TARBP1: variants seen among roughly 807,000 people sequenced by gnomAD.
The protein encoded by TARBP1 is tRNA guanosine 2 -O-methyltransferase TARBP1.
A neutral mutation model predicts 178.6 loss-of-function variants in TARBP1; 144 were observed. That is an observed-to-expected ratio of 0.81 (90% CI 0.70 to 0.93). TARBP1 has a LOEUF of 0.93. Among genes scored for constraint, TARBP1 ranks in the 40% least tolerant of loss-of-function variants. The pLI is 0.00. For synonymous variants in TARBP1, 787 were observed against 781.0 expected (o/e 1.01, Z -0.13); for missense variants, 2,067 against 2,011.7 (o/e 1.03, Z -0.53).
intron 24 of TARBP1, among the ~76,000 whole-genome samples, chr1:234,402,104 A>G (rs1660729796): frequency 6.6e-6 from 1 of 152,210 alleles, no homozygotes; most frequent in African/African-American, 2.4e-5. Flanking sequence ...GTCTTAAAAA[A>G]CAAAACAAAA....
chr1:234,394,971 C>A (rs191943097), intron 26 of TARBP1, among the ~76,000 whole-genome samples: 34 of 151,790 alleles, frequency 2.2e-4, no homozygotes, highest in African/African-American at 7.5e-4. Flanking sequence ...CGCCTATAAT[C>A]CCAGCACTTT....
chr1:234,420,809 C>G lies in TARBP1; in HGVS notation c.3448G>C (p.Glu1150Gln), dbSNP rs1190712138. Residue 1150 changes from glutamate to glutamine, a missense_variant, in exon 21 of 30, where the codon GAA becomes CAA. Glu to Gln is a conservative substitution (Grantham distance 29). Transcript: ENST00000040877. ...DLAIKLLDKD[E>Q]LVSKSKKRYY... is the part of the protein sequence containing the mutation. The stretch of plus-strand genomic sequence containing the variant: ...CGTTTTTTGGACTTGGACACTAATT[C>G]ATCCTGGAAAGGAGAAGGGAGGGAG... The G allele has an allele frequency of 2.5e-6, 4 of 1,582,342 alleles. No homozygotes were observed. The highest frequency in any genetic ancestry group is 3.5e-6 in the Non-Finnish European group (4 of 1,156,228).
chr1:234,396,125 A>G (rs560543466), intron 26 of TARBP1, among the ~76,000 whole-genome samples: 3 of 152,340 alleles, frequency 2.0e-5, no homozygotes, highest in Admixed American at 1.3e-4. Flanking sequence ...TCAGCATGGA[A>G]AGTCTATTAC....
intron 20 of TARBP1, among the ~76,000 whole-genome samples, chr1:234,424,696 C>G (rs1379257841): frequency 2.0e-5 from 3 of 151,996 alleles, no homozygotes; most frequent in African/African-American, 7.3e-5. Flanking sequence ...GAGGCCAAGG[C>G]AAGAGGATCA....
rs555816039 is a variant in TARBP1, at chr1:234,413,313, T to C, written c.3706-2782A>G. On this transcript the variant is annotated intron_variant, in intron 22 of 29. Coordinates refer to ENST00000040877, the MANE Select transcript of TARBP1 (RefSeq NM_005646.4). ...GGTGAAACCCCATCTGTACTAAAAA[T>C]ACAAAAATTATTTAGCTGGGTGTGG... 2.0e-5 allele frequency among the ~76,000 whole-genome samples: 3 copies of C among 152,112 alleles called. No individual in the cohort carries two copies. The East Asian group carries it at 5.8e-4, about 29-fold the overall frequency.
chr1:234,442,332 C>T (rs1281845414), intron 12 of TARBP1, among the ~76,000 whole-genome samples: 2 of 152,114 alleles, frequency 1.3e-5, no homozygotes, highest in Non-Finnish European at 2.9e-5. Context: ...TATGTGCAAA[C>T]CACATATCTG....
At chr1:234,472,894 G>C in intron 1 of TARBP1, 83 bp from the exon 2 acceptor site, 1 of 986,676 alleles carries the variant, frequency 1.0e-6, no homozygotes, top group Middle Eastern at 2.2e-4. Flanking sequence ...TTAAAATAAT[G>C]CCACTATTAC....
At position 234,392,490 on chromosome 1, in the gene TARBP1, A is replaced by G; in HGVS notation, c.4623T>C (p.Ile1541=). Residue 1541 remains isoleucine, a synonymous_variant, in exon 29 of 30, where the codon ATT becomes ATC. Coordinates refer to ENST00000040877, the MANE Select transcript of TARBP1 (RefSeq NM_005646.4). ...AACTTTTGGCAGTTTGTTCCACTCC[A>G]ATGATGGTATAACCTTCTGTTTTCT... ...QQKKTEGYTI[I]GVEQTAKSLD... The G allele has an allele frequency of 6.2e-7, 1 of 1,614,162 alleles. No homozygotes were observed. Among genetic ancestry groups the G allele is most frequent in the Non-Finnish European group, 8.5e-7 (1 of 1,179,994 alleles).
chr1:234,428,173 G>T (rs544988245), intron 17 of TARBP1, among the ~76,000 whole-genome samples: 97 of 152,304 alleles, frequency 6.4e-4, no homozygotes, highest in African/African-American at 2.2e-3. Flanking sequence ...GCAGCACAGG[G>T]CTGCAGAGAA....
Position 234,478,804 on chromosome 1 carries a change from C to T in TARBP1, c.300G>A (p.Ala100=), listed in dbSNP as rs1411830022. The T allele has an allele frequency of 3.5e-6, 4 of 1,143,588 alleles. No homozygotes were observed. The highest frequency in any genetic ancestry group is 4.3e-6 in the Non-Finnish European group (4 of 934,060). 70.8% of individuals were successfully genotyped at this position (1,143,588 alleles called of 1,614,324 possible). A position where few individuals can be genotyped will look rare whatever the true frequency, so the allele number is the denominator to read the frequency against. Residue 100 remains alanine (A), a synonymous_variant, in exon 1 of 30, where the codon GCG becomes GCA. Coordinates refer to ENST00000040877, the MANE Select transcript of TARBP1 (RefSeq NM_005646.4). ...GGACGCACGAGCGCAGGGCCGCGCC[C>T]GCCGCCCTCAGCACGCGCCGGCGGT... ...PRHRRRVLRA[A]GAALRSCVRL...
intron 1 of TARBP1, among the ~76,000 whole-genome samples, chr1:234,473,070 TC>T (rs1227036626): frequency 6.6e-6 from 1 of 152,056 alleles, no homozygotes; most frequent in Non-Finnish European, 1.5e-5. Flanking sequence ...CCTAAGAATC[TC>T]ACTATAACAG....
chr1:234,409,406 C>T (rs1442060896), intron 23 of TARBP1, among the ~76,000 whole-genome samples: 1 of 152,198 alleles, frequency 6.6e-6, no homozygotes, highest in Non-Finnish European at 1.5e-5. Flanking sequence ...ACAATGTCTG[C>T]TCTGTTTTAG....
chr1:234,420,779 A>G lies in TARBP1; in HGVS notation c.3478T>C (p.Tyr1160His), dbSNP rs1296914600. The G allele has an allele frequency of 5.0e-6, 8 of 1,611,296 alleles. No individual in the cohort carries two copies. The highest frequency in any genetic ancestry group is 5.9e-6 in the Non-Finnish European group (7 of 1,178,674). ...ELVSKSKKRY[Y>H]VNSLQHRVKN... ...ACTCTGTGCTGTAGAGAATTCACAT[A>G]GTAGCGTTTTTTGGACTTGGACACT... The change falls in exon 21 of 30, where the codon TAT becomes CAT. Residue 1160 changes from tyrosine to histidine, a missense_variant. Tyr to His is a moderately conservative substitution (Grantham distance 83, BLOSUM62 2). Transcript: ENST00000040877.
chr1:234,422,334 T>TA (rs1392836711), intron 20 of TARBP1, among the ~76,000 whole-genome samples: 4 of 152,046 alleles, frequency 2.6e-5, no homozygotes, highest in Admixed American at 6.6e-5. Context: ...CTGAAGAAAA[T>TA]AAAAATCACC....
At chr1:234,410,268 G>A (rs72763876) in intron 23 of TARBP1, 177 bp downstream of exon 23, 27,095 of 476,666 alleles carry the variant, frequency 0.057, 964 homozygotes, top group Middle Eastern at 0.15. Flanking sequence ...GCATGTAAAT[G>A]GGTAATTCCC....
intron 21 of TARBP1, among the ~76,000 whole-genome samples, chr1:234,420,429 A>T (rs1233976745): frequency 6.6e-6 from 1 of 151,966 alleles, no homozygotes; most frequent in East Asian, 1.9e-4. Flanking sequence ...ATCAGACTTT[A>T]AACAGTTAAA....
chr1:234,422,059 G>C (rs1663167278), intron 20 of TARBP1, among the ~76,000 whole-genome samples: 1 of 152,034 alleles, frequency 6.6e-6, no homozygotes, highest in African/African-American at 2.4e-5. Flanking sequence ...GGTGTGTTTA[G>C]GTTTCACATA....
chr1:234,446,484 G>T (rs2221873), intron 12 of TARBP1, among the ~76,000 whole-genome samples: 45,615 of 151,732 alleles, frequency 0.3, 7,074 homozygotes, highest in Admixed American at 0.41. Flanking sequence ...CAATAAGCAT[G>T]CATAAATATT....
At chr1:234,392,270 A>G in intron 29 of TARBP1, 146 bp downstream of exon 29, 1 of 982,168 alleles carries the variant, frequency 1.0e-6, no homozygotes, top group East Asian at 2.5e-5. Flanking sequence ...AATGAGGCAG[A>G]GGTTGTAGTG....
Sources: allele counts gnomAD v4.1 joint callset (sites outside exome capture counted in the v4.1 genomes callset), GRCh38; gene constraint gnomAD v4.1.1; transcripts MANE v1.5; gene names NCBI Gene and HGNC (gene_info 2026-07-23, HGNC 2026-07-21).